Variants in VCAN observed in about 807,000 individuals in gnomAD.
VCAN encodes versican.
VCAN carries 44 observed loss-of-function variants against 245.5 expected under a neutral mutation model. The observed-to-expected ratio is 0.18, with a 90% confidence interval of 0.14 to 0.23. VCAN has a LOEUF of 0.23. Among genes scored for constraint, VCAN ranks in the 10% least tolerant of loss-of-function variants. VCAN has a pLI of 1.00. For missense variants in VCAN, 3,793 were observed against 4,057.9 expected, an observed-to-expected ratio of 0.93 and a Z score of 1.77; for synonymous variants, 1,413 against 1,437.0, an observed-to-expected ratio of 0.98 and a Z score of 0.38.
intron 1 of VCAN, among the ~76,000 whole-genome samples, chr5:83,474,175 T>G (rs1365393476): frequency 6.6e-6 from 1 of 151,700 alleles, no homozygotes; most frequent in African/African-American, 2.4e-5. Flanking sequence ...TTCCTCAACT[T>G]CAGGGCGGGC....
intron 12 of VCAN, among the ~76,000 whole-genome samples, chr5:83,559,449 A>G (rs984700442): frequency 3.3e-5 from 5 of 152,140 alleles, no homozygotes; most frequent in Non-Finnish European, 7.4e-5. Context: ...TTCCTGAGCT[A>G]TAGCATCTCA....
chr5:83,492,627 C>T (rs1205130798), intron 3 of VCAN, among the ~76,000 whole-genome samples: 1 of 152,128 alleles, frequency 6.6e-6, no homozygotes, highest in Non-Finnish European at 1.5e-5. Flanking sequence ...CCCTGGAGCA[C>T]AGTTCAAAAC....
At position 83,545,637 on chromosome 5, in the gene VCAN, C is replaced by T. The variant is rs528024400; in HGVS notation, c.9366C>T (p.Asp3122=). The change falls in exon 9 of 15, where the codon GAC becomes GAT. Residue 3122 remains aspartate, a synonymous_variant. Coordinates refer to ENST00000265077, the MANE Select transcript of VCAN (RefSeq NM_004385.5). ...VCTCVPGYSG[D]QCELDFDECH... ...CCTGTGTGCCAGGATACAGCGGAGA[C>T]CAGTGTGAACTTGGTAAGATGGTAC... is the stretch of plus-strand genomic sequence containing the variant. The T allele has an allele frequency of 1.0e-4, 163 of 1,613,802 alleles. 1 individual carries two copies. In the South Asian group the frequency reaches 1.6e-3, roughly 16 times the overall value.
intron 5 of VCAN, among the ~76,000 whole-genome samples, chr5:83,501,352 G>A (rs557723818): frequency 4.6e-5 from 7 of 152,224 alleles, no homozygotes; most frequent in Admixed American, 3.3e-4. Context: ...TGCTTTTGGT[G>A]TCATATCTAA....
intron 5 of VCAN, among the ~76,000 whole-genome samples, chr5:83,495,685 A>G (rs1580607021): frequency 6.6e-6 from 1 of 152,226 alleles, no homozygotes; most frequent in South Asian, 2.1e-4. Context: ...TACAAGGGTG[A>G]TAGTTATAAA....
chr5:83,559,939 T>C (rs1421661701), intron 12 of VCAN, among the ~76,000 whole-genome samples: 1 of 152,056 alleles, frequency 6.6e-6, no homozygotes, highest in African/African-American at 2.4e-5. Context: ...TTAAAGATTT[T>C]ATTTAAAGTT....
chr5:83,520,201 C>T lies in VCAN; in HGVS notation c.1895C>T (p.Thr632Met), dbSNP rs143729093. The change falls in exon 7 of 15, where the codon ACG becomes ATG. Residue 632 changes from threonine to methionine, a missense_variant. Physicochemically the swap from Thr to Met is moderately conservative, Grantham distance 81 (BLOSUM62 -1). Around this residue, in one of 5 missense-constraint regions of VCAN, gnomAD observed 3,182 missense variants for 3,250.3 expected, o/e 0.98. Coordinates refer to ENST00000265077, the MANE Select transcript of VCAN (RefSeq NM_004385.5). ...GAGAGACAAACTAGTGGTAGGATAA[C>T]GGAAGAGTTTCTTGGCAAATATCTG... ...WEERQTSGRI[T>M]EEFLGKYLST... The T allele has an allele frequency of 1.9e-4, 307 of 1,614,008 alleles. No homozygotes were observed. The East Asian group carries it at 4.4e-3, about 23-fold the overall frequency.
intron 12 of VCAN, 78 bp downstream of exon 12, chr5:83,555,116 G>T: frequency 1.4e-6 from 2 of 1,465,744 alleles, no homozygotes; most frequent in Non-Finnish European, 9.5e-7. Flanking sequence ...CATTACAGAG[G>T]GTGCATTAGA....
intron 10 of VCAN, among the ~76,000 whole-genome samples, chr5:83,552,252 A>G (rs1313386018): frequency 6.6e-6 from 1 of 152,234 alleles, no homozygotes; most frequent in East Asian, 1.9e-4. Context: ...TAACGTATAA[A>G]GCAAACATTT....
chr5:83,551,428 C>T (rs1747466581), intron 10 of VCAN, among the ~76,000 whole-genome samples: 1 of 151,860 alleles, frequency 6.6e-6, no homozygotes, highest in African/African-American at 2.4e-5. Flanking sequence ...AGGAGACTCA[C>T]TTGAACCCGA....
chr5:83,479,278 T>G (rs959684309), intron 1 of VCAN, among the ~76,000 whole-genome samples: 5 of 152,070 alleles, frequency 3.3e-5, no homozygotes, highest in Non-Finnish European at 7.4e-5. Flanking sequence ...AGTCACCCCT[T>G]GTCAGCTGAG....
chr5:83,544,372 G>T (rs1022418809), intron 8 of VCAN, among the ~76,000 whole-genome samples: 1 of 152,202 alleles, frequency 6.6e-6, no homozygotes, highest in African/African-American at 2.4e-5. Flanking sequence ...TAGTCATTCA[G>T]AATTTACTTA....
chr5:83,505,156 A>G (rs991974586), intron 5 of VCAN, among the ~76,000 whole-genome samples: 1 of 151,848 alleles, frequency 6.6e-6, no homozygotes, highest in African/African-American at 2.4e-5. Flanking sequence ...GCCCCTCCAA[A>G]TCTCATGTCC....
rs1748148193 is a variant in VCAN at position 83,567,959 on chromosome 5, A to ATTTTCC, written c.9736-4457_9736-4456insTTTTCC. 2.6e-5 allele frequency among the ~76,000 whole-genome samples: 4 copies of ATTTTCC among 152,186 alleles called. No individual in the cohort carries two copies. The South Asian group carries it at 8.3e-4, about 32-fold the overall frequency. ...AAATAAAGAAATCCAAATGGGAGGTACTGAGTTTTTCCCTGCTAATTCCAA... is the reference window on the plus strand; with the variant it reads ...AAATAAAGAAATCCAAATGGGAGGTATTTTCCCTGAGTTTTTCCCTGCTAATTCCAA... On this transcript the variant is annotated intron_variant, in intron 12 of 14. Transcript: ENST00000265077.
At chr5:83,550,120 A>G (rs1008433657) in intron 10 of VCAN, among the ~76,000 whole-genome samples, 1 of 152,224 alleles carries the variant, frequency 6.6e-6, no homozygotes, top group Non-Finnish European at 1.5e-5. Flanking sequence ...TGCCAAAGTC[A>G]GTGATACAGC....
Position 83,539,482 on chromosome 5 carries a change from C to G in VCAN, c.6479C>G (p.Thr2160Arg). The part of the protein sequence containing the change: ...LKTTDYSVLT[T>R]KKTYSDDKEM... ...ACCACAGATTATTCTGTACTAACAA[C>G]AAAGAAAACTTACAGTGATGATAAA... The change falls in exon 8 of 15, where the codon ACA becomes AGA. Residue 2160 changes from threonine to arginine, a missense_variant. Physicochemically the swap from Thr to Arg is moderately conservative, Grantham distance 71. Around this residue, in one of 5 missense-constraint regions of VCAN, gnomAD observed 3,182 missense variants for 3,250.3 expected, o/e 0.98. Transcript: ENST00000265077. The G allele has an allele frequency of 6.2e-7, 1 of 1,613,720 alleles. No individual in the cohort carries two copies. The highest frequency in any genetic ancestry group is 8.5e-7 in the Non-Finnish European group (1 of 1,179,920).
Position 83,548,177 on chromosome 5 carries a change from T to C in VCAN, c.9493+93T>C, listed in dbSNP as rs1747308822. 4 of 912,716 alleles carry C rather than the reference T, an allele frequency of 4.4e-6. No individual in the cohort carries two copies. The Admixed American group carries it at 7.3e-5, about 17-fold the overall frequency. The allele number at this position is 912,716 out of a possible 1,614,324, so 56.5% of individuals were successfully genotyped here. ...GCATAATCTTTCCTGCAGTGGAAATTCACATTTCCTTAGGTTTCCTTATTC... is the reference window on the plus strand; with the variant it reads ...GCATAATCTTTCCTGCAGTGGAAATCCACATTTCCTTAGGTTTCCTTATTC... On this transcript the variant is annotated intron_variant, in intron 10 of 14. Coordinates refer to ENST00000265077, the MANE Select transcript of VCAN (RefSeq NM_004385.5).
intron 13 of VCAN, among the ~76,000 whole-genome samples, chr5:83,575,023 A>G (rs1359027108): frequency 6.6e-6 from 1 of 152,238 alleles, no homozygotes; most frequent in African/African-American, 2.4e-5. Flanking sequence ...TTTAATCCCT[A>G]GACCCAGACT....
intron 5 of VCAN, among the ~76,000 whole-genome samples, chr5:83,499,349 C>T (rs1273790377): frequency 6.6e-6 from 1 of 152,038 alleles, no homozygotes; most frequent in Non-Finnish European, 1.5e-5. Flanking sequence ...ATATGTTTCC[C>T]AACTGCAATC....
Sources: allele counts gnomAD v4.1 joint callset (sites outside exome capture counted in the v4.1 genomes callset), GRCh38; gene constraint gnomAD v4.1.1; regional missense constraint gnomAD v4.1.1; transcripts MANE v1.5; gene names NCBI Gene and HGNC (gene_info 2026-07-23, HGNC 2026-07-21).